Variants in EXOC4 observed in about 807,000 individuals in gnomAD.
The protein encoded by EXOC4 is exocyst complex component 4, also known as SEC8-like 1.
Under a neutral mutation model 107.2 loss-of-function variants are expected in EXOC4, and 71 were observed. The ratio of observed to expected loss-of-function variants is 0.66; its 90% CI spans 0.55 to 0.81. The LOEUF is 0.81. Ranked by LOEUF, EXOC4 falls within the 30% of genes least tolerant of loss-of-function variation. The pLI is 0.00. For missense variants in EXOC4, 1,108 were observed against 1,189.6 expected (o/e 0.93, Z 1.01); for synonymous variants, 456 against 441.2 (o/e 1.03, Z -0.42).
At chr7:133,562,715 C>T (rs1463509662) in intron 9 of EXOC4, among the ~76,000 whole-genome samples, 4 of 152,098 alleles carry the variant, frequency 2.6e-5, no homozygotes, top group African/African-American at 9.7e-5. Context: ...TAGTTTCTAA[C>T]GATACAACGA....
intron 10 of EXOC4, among the ~76,000 whole-genome samples, chr7:133,759,605 C>A (rs1255613824): frequency 1.3e-5 from 2 of 152,114 alleles, no homozygotes; most frequent in African/African-American, 4.8e-5. Context: ...AGGATTCAAA[C>A]CCTGATAGTA....
At chr7:133,882,364 C>T (rs1798983849) in intron 11 of EXOC4, among the ~76,000 whole-genome samples, 1 of 152,100 alleles carries the variant, frequency 6.6e-6, no homozygotes. Flanking sequence ...CTTTCTCTGC[C>T]TTCTGATAGG....
chr7:134,024,800 G>A (rs1430522812), intron 17 of EXOC4, among the ~76,000 whole-genome samples: 1 of 152,214 alleles, frequency 6.6e-6, no homozygotes, highest in African/African-American at 2.4e-5. Flanking sequence ...GCACAAGGGT[G>A]ACAGAGCACC....
intron 7 of EXOC4, among the ~76,000 whole-genome samples, chr7:133,418,671 C>T (rs1258262293): frequency 6.6e-6 from 1 of 152,100 alleles, no homozygotes; most frequent in Non-Finnish European, 1.5e-5. Flanking sequence ...GCTGTCACCC[C>T]TAGGGTTTGT....
At chr7:133,676,660 C>T (rs975224555) in intron 10 of EXOC4, among the ~76,000 whole-genome samples, 1 of 152,020 alleles carries the variant, frequency 6.6e-6, no homozygotes, top group African/African-American at 2.4e-5. Context: ...TTATCAGCTA[C>T]CACCCTATCC....
chr7:133,639,272 C>T (rs1802788620), intron 10 of EXOC4, among the ~76,000 whole-genome samples: 1 of 152,116 alleles, frequency 6.6e-6, no homozygotes, highest in African/African-American at 2.4e-5. Context: ...GAAAGACACA[C>T]ACACCCCCTC....
At chr7:133,830,024 A>T (rs1797776847) in intron 11 of EXOC4, among the ~76,000 whole-genome samples, 1 of 151,914 alleles carries the variant, frequency 6.6e-6, no homozygotes, top group Non-Finnish European at 1.5e-5. Flanking sequence ...CCCCTGATGG[A>T]TGGTCATATC....
At chr7:133,784,143 CAT>C (rs1356636292) in intron 10 of EXOC4, among the ~76,000 whole-genome samples, 1 of 152,070 alleles carries the variant, frequency 6.6e-6, no homozygotes, top group African/African-American at 2.4e-5. Context: ...ATTTGATTAA[CAT>C]ATAGGCTTCT....
intron 6 of EXOC4, among the ~76,000 whole-genome samples, chr7:133,363,751 T>G (rs1454484810): frequency 6.6e-6 from 1 of 152,160 alleles, no homozygotes; most frequent in Non-Finnish European, 1.5e-5. Flanking sequence ...ATGGCAGCCA[T>G]CATGCTGTAT....
chr7:133,673,666 G>A (rs1472008807), intron 10 of EXOC4, among the ~76,000 whole-genome samples: 2 of 152,122 alleles, frequency 1.3e-5, no homozygotes, highest in African/African-American at 4.8e-5. Flanking sequence ...TGTGCTCTCT[G>A]AGCTATTACG....
chr7:133,797,440 T>C (rs1221280579), intron 10 of EXOC4, among the ~76,000 whole-genome samples: 1 of 152,202 alleles, frequency 6.6e-6, no homozygotes, highest in Non-Finnish European at 1.5e-5. Context: ...AAGATCAATC[T>C]TAATGAGGCA....
At chr7:133,616,055 G>A (rs1802186836) in intron 9 of EXOC4, among the ~76,000 whole-genome samples, 2 of 152,084 alleles carry the variant, frequency 1.3e-5, no homozygotes, top group South Asian at 2.1e-4. Flanking sequence ...ACCATTGCCA[G>A]TCTGTTTACC....
chr7:133,378,120 C>T (rs373016868), intron 7 of EXOC4, among the ~76,000 whole-genome samples: 1 of 151,886 alleles, frequency 6.6e-6, no homozygotes, highest in Admixed American at 6.6e-5. Flanking sequence ...ACCAGCCTGG[C>T]CAAGATGGTG....
intron 9 of EXOC4, chr7:133,480,580 TG>T (rs1799131246): frequency 3.0e-6 from 1 of 336,300 alleles, no homozygotes; most frequent in African/African-American, 2.2e-5. Flanking sequence ...CTAAATAGTA[TG>T]TTATAATCAA....
intron 5 of EXOC4, among the ~76,000 whole-genome samples, chr7:133,335,228 A>C (rs1358379010): frequency 6.6e-6 from 1 of 152,128 alleles, no homozygotes. Flanking sequence ...AACTCATAAA[A>C]TTTACTGTGT....
At chr7:134,043,813 C>T (rs957694765) in intron 17 of EXOC4, among the ~76,000 whole-genome samples, 1 of 152,110 alleles carries the variant, frequency 6.6e-6, no homozygotes, top group Admixed American at 6.5e-5. Context: ...AGAGAGGAGG[C>T]AGGAGATTGG....
At chr7:134,019,752 T>G (rs1189020532) in intron 17 of EXOC4, among the ~76,000 whole-genome samples, 1 of 152,240 alleles carries the variant, frequency 6.6e-6, no homozygotes, top group Non-Finnish European at 1.5e-5. Context: ...CTCTTTTGCT[T>G]ATATTAAAAT....
chr7:134,084,252 T>C, the EXOC4 span, among the ~76,000 whole-genome samples: 1 of 152,210 alleles, frequency 6.6e-6, no homozygotes, highest in Non-Finnish European at 1.5e-5. Flanking sequence ...CAGACCTTAG[T>C]TATAATTCCT....
chr7:133,911,442 T>C (rs1799692262), intron 12 of EXOC4, among the ~76,000 whole-genome samples: 1 of 152,226 alleles, frequency 6.6e-6, no homozygotes, highest in Admixed American at 6.5e-5. Flanking sequence ...GGAATTACTT[T>C]TGGGATTGGT....
Sources: gnomAD v4.1 joint callset for allele counts (sites outside exome capture counted in the v4.1 genomes callset) on GRCh38, gnomAD v4.1.1 for gene constraint, MANE v1.5 for transcripts, NCBI Gene and HGNC (gene_info 2026-07-23, HGNC 2026-07-21) for gene names.